TRPM3: variants seen among roughly 807,000 people sequenced by gnomAD.
TRPM3 encodes the protein long transient receptor potential channel 3.
A neutral mutation model predicts 181.2 loss-of-function variants in TRPM3; 77 were observed. The observed-to-expected ratio is 0.42, with a 90% CI of 0.35 to 0.51. TRPM3 has a LOEUF of 0.51. TRPM3 is among the 20% of genes least tolerant of loss of function. The pLI is 0.01. For missense variants in TRPM3, 1,759 were observed against 2,196.7 expected, an observed-to-expected ratio of 0.80 and a Z score of 3.98; for synonymous variants, 745 against 796.4, an observed-to-expected ratio of 0.94 and a Z score of 1.09.
At chr9:70,832,586 CT>C (rs1351979959) in intron 5 of TRPM3, among the ~76,000 whole-genome samples, 2 of 152,134 alleles carry the variant, frequency 1.3e-5, no homozygotes, top group African/African-American at 4.8e-5. Flanking sequence ...GGCAAAAGCC[CT>C]TTTATAGAAG....
intron 1 of TRPM3, among the ~76,000 whole-genome samples, chr9:70,944,225 T>C (rs2096911963): frequency 6.6e-6 from 1 of 152,116 alleles, no homozygotes; most frequent in African/African-American, 2.4e-5. Context: ...AGCCAGAGAA[T>C]AGAAAATGAG....
intron 3 of TRPM3, among the ~76,000 whole-genome samples, chr9:70,860,693 T>G (rs994341767): frequency 2.0e-5 from 3 of 152,192 alleles, no homozygotes; most frequent in African/African-American, 4.8e-5. Context: ...TAAAATAAAA[T>G]ATAAGATATG....
chr9:71,182,756 G>A (rs569648139), intron 1 of TRPM3, among the ~76,000 whole-genome samples: 1 of 152,094 alleles, frequency 6.6e-6, no homozygotes, highest in African/African-American at 2.4e-5. Context: ...CCAACGCCGT[G>A]GTTCAAGGGA....
chr9:71,047,299 T>C (rs955052316), intron 1 of TRPM3, among the ~76,000 whole-genome samples: 2 of 152,242 alleles, frequency 1.3e-5, no homozygotes, highest in Non-Finnish European at 2.9e-5. Context: ...AAATAGAGTA[T>C]AGTCATTAAT....
chr9:71,054,295 G>C (rs1274992487), intron 1 of TRPM3, among the ~76,000 whole-genome samples: 1 of 152,072 alleles, frequency 6.6e-6, no homozygotes, highest in Non-Finnish European at 1.5e-5. Flanking sequence ...CCCATGTGCA[G>C]GGGTGTGCAT....
chr9:70,561,491 A>G (rs1344506072), intron 22 of TRPM3, among the ~76,000 whole-genome samples: 2 of 152,062 alleles, frequency 1.3e-5, no homozygotes, highest in African/African-American at 4.8e-5. Flanking sequence ...GGCTCTTTCT[A>G]TTGCTTTCAG....
In TRPM3 at chr9:70,905,352, T is replaced by C. The variant is rs34429610; in HGVS notation, c.178-40841A>G. On this transcript the variant is annotated intron_variant, in intron 1 of 25. Transcript: ENST00000677713. ...TGTTCAATTTTGTTTAAACCAATAT[T>C]CCCTAAACGAATGTAATGAAAAGTC... Among the ~76,000 whole-genome samples the C allele has an allele frequency of 4.8e-3, 733 of 152,286 alleles. 1 individual carries two copies. Among genetic ancestry groups the C allele is most frequent in the Non-Finnish European group, 7.1e-3 (483 of 68,022 alleles).
intron 1 of TRPM3, among the ~76,000 whole-genome samples, chr9:71,023,679 G>A (rs1320759118): frequency 1.3e-5 from 2 of 150,356 alleles, no homozygotes; most frequent in African/African-American, 4.9e-5. Context: ...ACTTGGAAAT[G>A]TCTCCAGGGG....
chr9:71,186,349 G>A (rs1223754446), intron 1 of TRPM3, among the ~76,000 whole-genome samples: 5 of 152,032 alleles, frequency 3.3e-5, no homozygotes, highest in African/African-American at 1.2e-4. Context: ...TATAGCCAAT[G>A]CATTTAAACT....
intron 1 of TRPM3, among the ~76,000 whole-genome samples, chr9:71,335,715 T>C (rs982080015): frequency 2.0e-5 from 3 of 152,164 alleles, no homozygotes; most frequent in Non-Finnish European, 2.9e-5. Context: ...TTACCATATA[T>C]TGTTCAAATC....
chr9:71,432,965 T>C (rs532226380), intron 1 of TRPM3, among the ~76,000 whole-genome samples: 4 of 152,252 alleles, frequency 2.6e-5, no homozygotes, highest in Non-Finnish European at 5.9e-5. Flanking sequence ...CAAGTTGGAA[T>C]AGTAATACTA....
At chr9:70,741,540 T>C (rs972058889) in intron 8 of TRPM3, among the ~76,000 whole-genome samples, 1 of 152,082 alleles carries the variant, frequency 6.6e-6, no homozygotes, top group Admixed American at 6.6e-5. Context: ...AGCAGCACAA[T>C]TTGCAATTGT....
intron 1 of TRPM3, among the ~76,000 whole-genome samples, chr9:71,425,480 C>A (rs1274728354): frequency 6.6e-6 from 1 of 152,076 alleles, no homozygotes; most frequent in Non-Finnish European, 1.5e-5. Context: ...TCTCTTAACA[C>A]CCACATGCAT....
rs1156393755 is a variant in TRPM3, at chr9:70,779,346, TA to T, written c.1148+4758del. Reference sequence around the variant, plus strand: ...TTTGTCCTAAAGTATCTAAAAATGGTAAATACAGATGATTATCTCTGGAATG... The same window carrying T: ...TTTGTCCTAAAGTATCTAAAAATGGTAATACAGATGATTATCTCTGGAATG... On this transcript the variant is annotated intron_variant, in intron 7 of 25. Coordinates refer to ENST00000677713, the MANE Select transcript of TRPM3 (RefSeq NM_001366145.2). Among the ~76,000 whole-genome samples, 5 of 152,156 alleles carry T rather than the reference TA, an allele frequency of 3.3e-5. No homozygotes were observed. In the East Asian group the frequency reaches 9.6e-4, roughly 29 times the overall value.
chr9:70,799,455 G>A (rs1393898519), intron 6 of TRPM3, among the ~76,000 whole-genome samples: 2 of 152,142 alleles, frequency 1.3e-5, no homozygotes, highest in Non-Finnish European at 2.9e-5. Flanking sequence ...TAATCTGATC[G>A]AATCTTTCCT....
upstream of TRPM3, among the ~76,000 whole-genome samples, chr9:71,124,783 T>C (rs2091360049): frequency 6.6e-6 from 1 of 152,144 alleles, no homozygotes; most frequent in African/African-American, 2.4e-5. Flanking sequence ...TTATATCTTT[T>C]GGATGTAAAA....
intron 1 of TRPM3, among the ~76,000 whole-genome samples, chr9:71,306,867 G>A (rs1453045190): frequency 7.4e-5 from 11 of 148,934 alleles, no homozygotes; most frequent in African/African-American, 2.2e-4. Context: ...GCGAGACTCC[G>A]TCTCAACAAC....
At chr9:71,136,282 T>C (rs2074761043) in intron 1 of TRPM3, among the ~76,000 whole-genome samples, 1 of 152,182 alleles carries the variant, frequency 6.6e-6, no homozygotes, top group Non-Finnish European at 1.5e-5. Context: ...CCTTTAAAGT[T>C]GACTTTGGAG....
chr9:70,835,602 G>A (rs771942799), intron 5 of TRPM3, among the ~76,000 whole-genome samples: 40 of 151,856 alleles, frequency 2.6e-4, no homozygotes, highest in Non-Finnish European at 5.7e-4. Context: ...TTCTCCATGT[G>A]GCAGGTGATC....
Sources: gnomAD v4.1 joint callset for allele counts (sites outside exome capture counted in the v4.1 genomes callset) on GRCh38, gnomAD v4.1.1 for gene constraint, MANE v1.5 for transcripts, NCBI Gene and HGNC (gene_info 2026-07-23, HGNC 2026-07-21) for gene names.